The following CAMTA1 variants were observed in gnomAD, a reference collection of about 807,000 sequenced individuals.
The protein encoded by CAMTA1 is calmodulin-binding transcription activator 1.
A neutral mutation model predicts 170.9 loss-of-function variants in CAMTA1; 27 were observed. That is an observed-to-expected ratio of 0.16 (90% CI 0.12 to 0.22). CAMTA1 has a LOEUF of 0.22. Among genes scored for constraint, CAMTA1 ranks in the 10% least tolerant of loss-of-function variants. The pLI is 1.00. For synonymous variants in CAMTA1, 833 were observed against 891.5 expected (o/e 0.93, Z 1.17); for missense variants, 1,619 against 2,217.2 (o/e 0.73, Z 5.42).
rs957165870 is a variant in CAMTA1 at position 7,216,071 on chromosome 1, G to C, written c.303-33420G>C. 6.6e-6 allele frequency among the ~76,000 whole-genome samples: 1 copy of C among 152,208 alleles called. No individual in the cohort carries two copies. Among genetic ancestry groups the C allele is most frequent in the Non-Finnish European group, 1.5e-5 (1 of 68,032 alleles). ...CACAGGCTTTACAGGAAGCATGGCT[G>C]GGGAGACCTCAGGAAACTTACAATC... On this transcript the variant is annotated intron_variant, in intron 4 of 22. Coordinates refer to ENST00000303635, the MANE Select transcript of CAMTA1 (RefSeq NM_015215.4). This position sits in a 1 kb window ranked among gnomAD's most constrained non-coding sequence, Gnocchi z 4.0.
In CAMTA1 at chr1:7,644,748, G is replaced by A. The variant is rs141792685; in HGVS notation, c.664+4195G>A. Among the ~76,000 whole-genome samples, 336 of 152,276 alleles carry A rather than the reference G, an allele frequency of 2.2e-3. 3 individuals carry two copies. Among genetic ancestry groups the A allele is most frequent in the African/African-American group, 7.8e-3 (324 of 41,544 alleles). On this transcript the variant is annotated intron_variant, in intron 7 of 22. Transcript: ENST00000303635. ...TCGTTGGACAGAATTTTGTCATATG[G>A]TTACTCCTAGTTGCAAGAGAGTCTG...
intron 5 of CAMTA1, among the ~76,000 whole-genome samples, chr1:7,306,254 A>G (rs1342107363): frequency 2.0e-5 from 3 of 152,034 alleles, no homozygotes; most frequent in South Asian, 2.1e-4. Flanking sequence ...ATGATTTTAC[A>G]TATTGCACTT....
At chr1:7,004,054 C>T (rs1698628759) in intron 3 of CAMTA1, among the ~76,000 whole-genome samples, 1 of 152,140 alleles carries the variant, frequency 6.6e-6, no homozygotes, top group African/African-American at 2.4e-5. Context: ...CATGATTTCC[C>T]CAGCTTTCCT....
At chr1:6,798,877 T>C (rs1236226066) in intron 1 of CAMTA1, among the ~76,000 whole-genome samples, 1 of 151,876 alleles carries the variant, frequency 6.6e-6, no homozygotes, top group South Asian at 2.1e-4. Flanking sequence ...ATTACAGACG[T>C]TAGCCTCCAC....
chr1:7,250,508 A>G (rs1324382018), intron 5 of CAMTA1, among the ~76,000 whole-genome samples: 1 of 152,206 alleles, frequency 6.6e-6, no homozygotes. Context: ...AAAGAGAGGC[A>G]TTCTGGAGTC....
At chr1:6,825,304 TA>T in intron 3 of CAMTA1, 94 bp downstream of exon 3, 1 of 638,412 alleles carries the variant, frequency 1.6e-6, no homozygotes, top group Non-Finnish European at 2.8e-6. Flanking sequence ...GCTTTAAATT[TA>T]AAATACTGAT....
chr1:7,660,208 A>G (rs1167541062), intron 7 of CAMTA1, among the ~76,000 whole-genome samples: 1 of 152,194 alleles, frequency 6.6e-6, no homozygotes, highest in Non-Finnish European at 1.5e-5. Flanking sequence ...AGCTGGGATT[A>G]CAGGCATGTG....
chr1:6,994,798 G>A (rs570571876), intron 3 of CAMTA1, among the ~76,000 whole-genome samples: 5 of 152,104 alleles, frequency 3.3e-5, no homozygotes, highest in Admixed American at 2.6e-4. Context: ...CTCCTGAATA[G>A]CTGGGACTAC....
chr1:7,372,506 T>C (rs1404082605), intron 5 of CAMTA1, among the ~76,000 whole-genome samples: 1 of 152,264 alleles, frequency 6.6e-6, no homozygotes, highest in Non-Finnish European at 1.5e-5. Context: ...TGTTGCAGGC[T>C]GATCACTGAG....
chr1:7,035,818 G>A (rs1361518484), intron 3 of CAMTA1, among the ~76,000 whole-genome samples: 2 of 152,196 alleles, frequency 1.3e-5, no homozygotes, highest in Non-Finnish European at 1.5e-5. Context: ...TAGAAATTCG[G>A]AAACAATTTA....
chr1:7,474,261 G>T (rs12081927), intron 6 of CAMTA1, among the ~76,000 whole-genome samples: 34 of 135,238 alleles, frequency 2.5e-4, no homozygotes, highest in Admixed American at 5.7e-4. Flanking sequence ...TTTGTCTAAT[G>T]TCTCTGAGTC....
chr1:7,246,202 T>C lies in CAMTA1; in HGVS notation c.303-3289T>C, dbSNP rs569779002. ...AGTCAGACCAACTCAGCGTGTATCC[T>C]GCCTGAACACTTTGTGGCTAGAATG... On this transcript the variant is annotated intron_variant, in intron 4 of 22. Coordinates refer to ENST00000303635, the MANE Select transcript of CAMTA1 (RefSeq NM_015215.4). Among the ~76,000 whole-genome samples the C allele has an allele frequency of 1.4e-4, 22 of 152,364 alleles. 1 individual carries two copies. In the South Asian group the frequency reaches 4.3e-3, roughly 30 times the overall value.
At chr1:7,145,180 G>A (rs1295893280) in intron 4 of CAMTA1, among the ~76,000 whole-genome samples, 1 of 152,200 alleles carries the variant, frequency 6.6e-6, no homozygotes, top group Non-Finnish European at 1.5e-5. Context: ...ACCCCAAGGG[G>A]TGGAGATGCC....
intron 4 of CAMTA1, among the ~76,000 whole-genome samples, chr1:7,157,196 T>C (rs1646935994): frequency 6.6e-6 from 1 of 151,202 alleles, no homozygotes; most frequent in Non-Finnish European, 1.5e-5. Flanking sequence ...ACAAAAAAAA[T>C]TAGCCGGGCG....
At chr1:7,498,205 T>TGTGA (rs1557817341) in intron 6 of CAMTA1, among the ~76,000 whole-genome samples, 2 of 151,638 alleles carry the variant, frequency 1.3e-5, no homozygotes, top group Non-Finnish European at 2.9e-5. Flanking sequence ...TGTGTGTGTG[T>TGTGA]GACAGTGTGG....
chr1:7,506,444 ACT>A (rs1406372763), intron 6 of CAMTA1, among the ~76,000 whole-genome samples: 1 of 151,568 alleles, frequency 6.6e-6, no homozygotes, highest in African/African-American at 2.4e-5. Context: ...CAAAATTCAC[ACT>A]CAAAATTCAC....
At chr1:6,935,833 C>G (rs1685213353) in intron 3 of CAMTA1, among the ~76,000 whole-genome samples, 1 of 152,168 alleles carries the variant, frequency 6.6e-6, no homozygotes, top group Non-Finnish European at 1.5e-5. Flanking sequence ...GGAAGGAGCC[C>G]TAGACAGTCC....
At chr1:7,520,341 C>T (rs544835356) in intron 6 of CAMTA1, among the ~76,000 whole-genome samples, 104 of 143,654 alleles carry the variant, frequency 7.2e-4, no homozygotes, top group Non-Finnish European at 1.4e-3. Flanking sequence ...GGTCTATGGA[C>T]CACCACAACT....
rs373452182 is a variant in CAMTA1, at chr1:7,744,956, G to A, written c.4304G>A (p.Ser1435Asn). 3 of 1,614,160 alleles carry A rather than the reference G, an allele frequency of 1.9e-6. No homozygotes were observed. The highest frequency in any genetic ancestry group is 2.5e-6 in the Non-Finnish European group (3 of 1,180,018). ...LERTDPATIS[S>N]TMSWLASYLA... ...AGAACAGACCCTGCCACCATTAGCA[G>A]TACAATGAGCTGGCTGGCCAGTTAT... The change falls in exon 17 of 23, where the codon AGT becomes AAT. Residue 1435 changes from serine to asparagine, a missense_variant. Transcript: ENST00000303635.
Sources: allele counts gnomAD v4.1 joint callset (sites outside exome capture counted in the v4.1 genomes callset), GRCh38; gene constraint gnomAD v4.1.1; non-coding constraint Gnocchi (gnomAD v3.1); transcripts MANE v1.5; gene names NCBI Gene and HGNC (gene_info 2026-07-23, HGNC 2026-07-21).